ANKS1B: variants seen among roughly 807,000 people sequenced by gnomAD.
The protein encoded by ANKS1B is ankyrin repeat and sterile alpha motif domain containing 1B.
In ANKS1B, 36 loss-of-function variants were observed where a neutral mutation model predicts 148.3. The ratio of observed to expected loss-of-function variants is 0.24; its 90% CI spans 0.19 to 0.32. The LOEUF is 0.32. ANKS1B is among the 10% of genes least tolerant of loss of function. ANKS1B has a pLI of 1.00. For synonymous variants in ANKS1B, 542 were observed against 560.8 expected, an observed-to-expected ratio of 0.97 and a Z score of 0.47; for missense variants, 1,157 against 1,542.6, an observed-to-expected ratio of 0.75 and a Z score of 4.19.
At chr12:99,955,801 TA>T (rs2095314109) in intron 1 of ANKS1B, among the ~76,000 whole-genome samples, 1 of 152,032 alleles carries the variant, frequency 6.6e-6, no homozygotes, top group South Asian at 2.1e-4. Flanking sequence ...GTGGGTGGCT[TA>T]AAAAAAGTAT....
At chr12:99,835,823 G>A (rs1410509835) in intron 1 of ANKS1B, among the ~76,000 whole-genome samples, 1 of 152,168 alleles carries the variant, frequency 6.6e-6, no homozygotes, top group Non-Finnish European at 1.5e-5. Context: ...GCTAACGGAT[G>A]CTGGACTTAA....
Position 99,821,631 on chromosome 12 carries a change from G to A in ANKS1B, c.215+3678C>T, listed in dbSNP as rs560556487. On this transcript the variant is annotated intron_variant, in intron 2 of 26. Transcript: ENST00000683438. ...TTTTGGGACAATATTACTTTAAGAA[G>A]TGCTTACCTACCAATGCCAATCTGA... Among the ~76,000 whole-genome samples the A allele has an allele frequency of 1.1e-4, 16 of 152,132 alleles. No individual in the cohort carries two copies. In the South Asian group the frequency reaches 3.1e-3, roughly 30 times the overall value.
chr12:99,064,236 T>C (rs927458659), intron 16 of ANKS1B, among the ~76,000 whole-genome samples: 8 of 152,186 alleles, frequency 5.3e-5, no homozygotes, highest in African/African-American at 1.4e-4. Context: ...CTCTCAATGT[T>C]CTAGGTTTTC....
At chr12:98,864,525 T>C (rs1446118878) in intron 17 of ANKS1B, among the ~76,000 whole-genome samples, 1 of 152,134 alleles carries the variant, frequency 6.6e-6, no homozygotes, top group East Asian at 1.9e-4. Flanking sequence ...CTAATGTGGG[T>C]GGGCCTCATC....
At chr12:99,339,286 C>T (rs2089501614) in intron 12 of ANKS1B, among the ~76,000 whole-genome samples, 1 of 152,160 alleles carries the variant, frequency 6.6e-6, no homozygotes, top group South Asian at 2.1e-4. Context: ...CCCTGTGTTG[C>T]TTTCCACTAT....
chr12:99,938,659 G>A (rs993609388), intron 1 of ANKS1B, among the ~76,000 whole-genome samples: 7 of 152,186 alleles, frequency 4.6e-5, no homozygotes, highest in African/African-American at 1.4e-4. Context: ...GAGAAAACCA[G>A]AGTTGGTCAC....
intron 19 of ANKS1B, 82 bp from the exon 20 acceptor site, chr12:98,808,000 G>A: frequency 2.1e-5 from 22 of 1,064,306 alleles, no homozygotes; most frequent in East Asian, 1.1e-4. Context: ...AAGGAAAAGA[G>A]GAAAATAATA....
chr12:99,020,018 G>A (rs942133524), intron 17 of ANKS1B, among the ~76,000 whole-genome samples: 2 of 151,600 alleles, frequency 1.3e-5, no homozygotes, highest in African/African-American at 4.8e-5. Context: ...TATGCCTGAT[G>A]TTTGTTGTGG....
chr12:99,516,263 T>A (rs764146692), intron 9 of ANKS1B, among the ~76,000 whole-genome samples: 2 of 152,158 alleles, frequency 1.3e-5, no homozygotes. Context: ...CAAACTTTTC[T>A]TATGGCAGTT....
intron 9 of ANKS1B, among the ~76,000 whole-genome samples, chr12:99,546,092 A>C (rs2097170689): frequency 6.6e-6 from 1 of 152,098 alleles, no homozygotes; most frequent in African/African-American, 2.4e-5. Flanking sequence ...GGAAGGATTA[A>C]AATAGAAGAT....
intron 2 of ANKS1B, among the ~76,000 whole-genome samples, chr12:99,819,328 A>G (rs2082232172): frequency 1.3e-5 from 2 of 151,852 alleles, no homozygotes; most frequent in Non-Finnish European, 2.9e-5. Context: ...CTTATCCAGG[A>G]AAAAAAGCAA....
At chr12:99,372,690 G>A (rs951767019) in intron 12 of ANKS1B, among the ~76,000 whole-genome samples, 15 of 152,002 alleles carry the variant, frequency 9.9e-5, no homozygotes, top group African/African-American at 3.1e-4. Flanking sequence ...ACACACTCAC[G>A]CACATTATTT....
At chr12:98,752,690 A>T (rs908560992) in intron 25 of ANKS1B, among the ~76,000 whole-genome samples, 1 of 152,172 alleles carries the variant, frequency 6.6e-6, no homozygotes, top group Admixed American at 6.5e-5. Context: ...CCCACAGCCC[A>T]GTGGCCCCAG....
chr12:99,324,603 A>G (rs2085950431), intron 12 of ANKS1B, among the ~76,000 whole-genome samples: 1 of 152,128 alleles, frequency 6.6e-6, no homozygotes, highest in Admixed American at 6.5e-5. Context: ...TCTCCTCACA[A>G]TTACATAAAA....
At chr12:99,703,312 C>T (rs755497482) in intron 8 of ANKS1B, among the ~76,000 whole-genome samples, 2 of 152,084 alleles carry the variant, frequency 1.3e-5, no homozygotes, top group Admixed American at 1.3e-4. Flanking sequence ...GACTCTGATA[C>T]TACTGTTGAT....
intron 12 of ANKS1B, among the ~76,000 whole-genome samples, chr12:99,362,721 A>C (rs2092556330): frequency 6.6e-6 from 1 of 151,998 alleles, no homozygotes. Context: ...GCAAAGTTTC[A>C]GGGTGATTTT....
chr12:99,470,428 A>G (rs1277607581), intron 10 of ANKS1B, among the ~76,000 whole-genome samples: 1 of 152,134 alleles, frequency 6.6e-6, no homozygotes, highest in Admixed American at 6.6e-5. Context: ...TATGGAGTTT[A>G]GTTTTCCTCT....
At chr12:99,008,668 T>A (rs370232368) in intron 17 of ANKS1B, among the ~76,000 whole-genome samples, 15 of 152,138 alleles carry the variant, frequency 9.9e-5, no homozygotes, top group Admixed American at 9.2e-4. Context: ...TTTAGGTAGA[T>A]ATGCTGAACT....
rs147831280 is a variant in ANKS1B at position 99,535,585 on chromosome 12, CTTCT to C, written c.1273-30948_1273-30945del. On this transcript the variant is annotated intron_variant, in intron 9 of 26. Coordinates refer to ENST00000683438, the MANE Select transcript of ANKS1B (RefSeq NM_001352186.2). Reference sequence around the variant, plus strand: ...GTATATCCCAACATGCCAATTTCACCTTCTTTATTTCATTTTCCATTCAACTGTA... The same window carrying C: ...GTATATCCCAACATGCCAATTTCACCTTATTTCATTTTCCATTCAACTGTA... Among the ~76,000 whole-genome samples the C allele has an allele frequency of 4.7e-3, 713 of 152,206 alleles. 3 individuals are homozygous for C. The highest frequency in any genetic ancestry group is 0.016 in the African/African-American group (680 of 41,526).
Sources: allele counts gnomAD v4.1 joint callset (sites outside exome capture counted in the v4.1 genomes callset), GRCh38; gene constraint gnomAD v4.1.1; transcripts MANE v1.5; gene names NCBI Gene and HGNC (gene_info 2026-07-23, HGNC 2026-07-21).